Variants in CFAP299 observed in about 807,000 individuals in gnomAD.
CFAP299 encodes the protein cilia and flagella associated protein 299.
A neutral mutation model predicts 27.0 loss-of-function variants in CFAP299; 21 were observed. The observed-to-expected ratio is 0.78, with a 90% confidence interval of 0.55 to 1.12. The LOEUF is 1.12. Among genes scored for constraint, CFAP299 ranks in the 50% most tolerant of loss-of-function variants. The probability of loss-of-function intolerance (pLI) is 0.00; values close to 1 mark genes in which losing one functional copy is unlikely to be tolerated. For missense variants in CFAP299, 310 were observed against 276.6 expected (o/e 1.12, Z -0.86); for synonymous variants, 104 against 98.1 (o/e 1.06, Z -0.36).
intron 4 of CFAP299, among the ~76,000 whole-genome samples, chr4:80,923,695 A>C (rs1348303561): frequency 2.6e-5 from 4 of 152,002 alleles, no homozygotes; most frequent in African/African-American, 9.7e-5. Flanking sequence ...TTTCAAAATC[A>C]TTTTGTTGCC....
At chr4:80,463,598 C>T (rs1307319777) in intron 2 of CFAP299, among the ~76,000 whole-genome samples, 2 of 152,092 alleles carry the variant, frequency 1.3e-5, no homozygotes, top group South Asian at 2.1e-4. Context: ...TTTTTGGTGA[C>T]ACCTTCTTCC....
At chr4:80,899,651 A>AT (rs1352980485) in intron 4 of CFAP299, among the ~76,000 whole-genome samples, 1 of 152,190 alleles carries the variant, frequency 6.6e-6, no homozygotes, top group African/African-American at 2.4e-5. Context: ...CTCCTAGGGA[A>AT]TAAAAGAGAA....
intron 3 of CFAP299, among the ~76,000 whole-genome samples, chr4:80,796,567 A>G (rs1727873920): frequency 6.6e-6 from 1 of 152,104 alleles, no homozygotes; most frequent in South Asian, 2.1e-4. Flanking sequence ...GGCCTTATGG[A>G]CAGTAATGGA....
intron 4 of CFAP299, among the ~76,000 whole-genome samples, chr4:80,907,429 C>T (rs1211039716): frequency 6.6e-6 from 1 of 152,146 alleles, no homozygotes; most frequent in Non-Finnish European, 1.5e-5. Flanking sequence ...CACCCCACTC[C>T]CCGTACCAAT....
At chr4:80,867,541 A>G (rs371694091) in intron 3 of CFAP299, among the ~76,000 whole-genome samples, 6 of 152,352 alleles carry the variant, frequency 3.9e-5, no homozygotes, top group African/African-American at 1.4e-4. Flanking sequence ...ACTTTCTCAC[A>G]GTTCTGGAAG....
chr4:80,943,124 A>G (rs1430977839), intron 4 of CFAP299, among the ~76,000 whole-genome samples: 2 of 152,216 alleles, frequency 1.3e-5, no homozygotes, highest in African/African-American at 4.8e-5. Flanking sequence ...TCACATAGTC[A>G]TTCCTGTTTT....
In CFAP299 at chr4:80,698,963, A is replaced by C. The variant is rs1721291501; in HGVS notation, c.333+115780A>C. Among the ~76,000 whole-genome samples, 7 of 152,324 alleles carry C rather than the reference A, an allele frequency of 4.6e-5. No individual in the cohort carries two copies. The South Asian group carries it at 1.4e-3, about 32-fold the overall frequency. ...CAAGATGAGATTTGGGTGTGGACACAGCAAAACCATATCACAAGGGTTAGA... is the reference window on the plus strand; with the variant it reads ...CAAGATGAGATTTGGGTGTGGACACCGCAAAACCATATCACAAGGGTTAGA... On this transcript the variant is annotated intron_variant, in intron 3 of 5. Coordinates refer to ENST00000358105, the MANE Select transcript of CFAP299 (RefSeq NM_152770.3).
intron 3 of CFAP299, among the ~76,000 whole-genome samples, chr4:80,600,784 C>T (rs997572193): frequency 3.9e-5 from 6 of 152,092 alleles, no homozygotes; most frequent in Admixed American, 3.3e-4. Context: ...CATGGATTTA[C>T]ACTTATTCTG....
chr4:80,430,949 T>A (rs954645534), intron 2 of CFAP299, among the ~76,000 whole-genome samples: 3 of 152,102 alleles, frequency 2.0e-5, no homozygotes, highest in Non-Finnish European at 4.4e-5. Context: ...TTCTTCCAGA[T>A]ACCCAAATGG....
intron 3 of CFAP299, among the ~76,000 whole-genome samples, chr4:80,629,387 C>G (rs1460813299): frequency 3.3e-5 from 5 of 151,962 alleles, no homozygotes; most frequent in African/African-American, 1.2e-4. Context: ...TTCAAGAGCT[C>G]TATTGTACAA....
intron 2 of CFAP299, among the ~76,000 whole-genome samples, chr4:80,504,299 C>T (rs1225174819): frequency 3.3e-5 from 5 of 151,404 alleles, no homozygotes; most frequent in Admixed American, 6.6e-5. Context: ...CTTGCTGGTG[C>T]TCATACCTAT....
chr4:80,386,229 C>G, intron 2 of CFAP299: 1 of 1,044,418 alleles, frequency 9.6e-7, no homozygotes, highest in Non-Finnish European at 1.4e-6. Flanking sequence ...CACATGGGCC[C>G]TCGGCCCCGG....
intron 3 of CFAP299, among the ~76,000 whole-genome samples, chr4:80,853,720 A>G (rs1731661497): frequency 6.6e-6 from 1 of 152,168 alleles, no homozygotes; most frequent in African/African-American, 2.4e-5. Context: ...AGACTTGTGA[A>G]TGGATTGAAA....
intron 3 of CFAP299, among the ~76,000 whole-genome samples, chr4:80,848,911 T>C (rs1375316158): frequency 6.6e-6 from 1 of 152,204 alleles, no homozygotes; most frequent in Admixed American, 6.5e-5. Context: ...TGAGTGCATG[T>C]GAAGGCCTAG....
intron 2 of CFAP299, among the ~76,000 whole-genome samples, chr4:80,556,777 T>G (rs985361278): frequency 1.6e-4 from 24 of 151,980 alleles, no homozygotes; most frequent in African/African-American, 4.3e-4. Context: ...TAGCCAAAAT[T>G]ATGTTTACTC....
intron 3 of CFAP299, among the ~76,000 whole-genome samples, chr4:80,592,518 G>A (rs1184969131): frequency 6.6e-6 from 1 of 152,140 alleles, no homozygotes; most frequent in African/African-American, 2.4e-5. Context: ...TAAATTAAAT[G>A]GCTATTCTGT....
Position 80,625,183 on chromosome 4 carries a change from T to C in CFAP299, c.333+42000T>C, listed in dbSNP as rs149844161. 2.6e-3 allele frequency among the ~76,000 whole-genome samples: 402 copies of C among 152,206 alleles called. 3 individuals are homozygous for C. The highest frequency in any genetic ancestry group is 9.1e-3 in the African/African-American group (378 of 41,556). On this transcript the variant is annotated intron_variant, in intron 3 of 5. Transcript: ENST00000358105. ...TATTAAAAATAACCAAAATAACTTA[T>C]TGAGGGATTTGCAATATTAAAAGAT...
rs1035361100 is a variant in CFAP299 at position 80,817,340 on chromosome 4, T to C, written c.334-52653T>C. 5.3e-5 allele frequency among the ~76,000 whole-genome samples: 8 copies of C among 152,196 alleles called. No homozygotes were observed. The South Asian group carries it at 6.2e-4, about 12-fold the overall frequency. The stretch of plus-strand genomic sequence containing the variant: ...ACCGATAAATAAATACTATATTTGC[T>C]ATTAAAAGTTTGTATTTTATGTTGT... On this transcript the variant is annotated intron_variant, in intron 3 of 5. Coordinates refer to ENST00000358105, the MANE Select transcript of CFAP299 (RefSeq NM_152770.3).
At chr4:80,399,152 C>A (rs1725993557) in intron 2 of CFAP299, among the ~76,000 whole-genome samples, 1 of 152,194 alleles carries the variant, frequency 6.6e-6, no homozygotes, top group South Asian at 2.1e-4. Flanking sequence ...TACCATCTTA[C>A]ACCAGTTAGA....
Sources: gnomAD v4.1 joint callset for allele counts (sites outside exome capture counted in the v4.1 genomes callset) on GRCh38, gnomAD v4.1.1 for gene constraint, MANE v1.5 for transcripts, NCBI Gene and HGNC (gene_info 2026-07-23, HGNC 2026-07-21) for gene names.